The following HIF1A variants were observed in gnomAD, a reference collection of about 807,000 sequenced individuals.
HIF1A encodes hypoxia inducible factor 1 subunit alpha.
In HIF1A, 24 loss-of-function variants were observed where a neutral mutation model predicts 92.7. The observed-to-expected ratio is 0.26, with a 90% CI of 0.19 to 0.36. The LOEUF (loss-of-function observed/expected upper bound fraction) is 0.36. HIF1A is among the 10% of genes least tolerant of loss of function. The probability of loss-of-function intolerance (pLI) is 1.00; values close to 1 mark genes in which losing one functional copy is unlikely to be tolerated. For synonymous variants in HIF1A, 319 were observed against 338.7 expected, an observed-to-expected ratio of 0.94 and a Z score of 0.64; for missense variants, 799 against 998.5, an observed-to-expected ratio of 0.80 and a Z score of 2.69.
At chr14:61,702,119 T>C (rs1465963937) in intron 1 of HIF1A, among the ~76,000 whole-genome samples, 1 of 151,716 alleles carries the variant, frequency 6.6e-6, no homozygotes, top group Non-Finnish European at 1.5e-5. Context: ...ATGCAGGTTT[T>C]TAAAAGGTTT....
At chr14:61,698,444 T>C (rs888394489) in intron 1 of HIF1A, among the ~76,000 whole-genome samples, 37 of 152,338 alleles carry the variant, frequency 2.4e-4, no homozygotes, top group African/African-American at 8.2e-4. Flanking sequence ...TGAGCAGTTA[T>C]TGTAAAGGTT....
In HIF1A at chr14:61,746,974, T is replaced by A. The variant is rs2044800883; in HGVS notation, c.2370T>A (p.Ser790Arg). ...TGCTGGGGCAATCAATGGATGAAAG[T>A]GGATTACCACAGCTGACCAGTTATG... ...CRLLGQSMDE[S>R]GLPQLTSYDC... Residue 790 changes from serine (S) to arginine (R), a missense_variant, in exon 15 of 15, where the codon AGT becomes AGA. Physicochemically the swap from Ser to Arg is moderately radical, Grantham distance 110. Coordinates refer to ENST00000337138, the MANE Select transcript of HIF1A (RefSeq NM_001530.4). 2 of 1,613,294 alleles carry A rather than the reference T, an allele frequency of 1.2e-6. No individual in the cohort carries two copies. Among genetic ancestry groups the A allele is most frequent in the African/African-American group, 1.3e-5 (1 of 74,916 alleles).
chr14:61,716,466 C>G (rs899290714), intron 1 of HIF1A, among the ~76,000 whole-genome samples: 23 of 150,742 alleles, frequency 1.5e-4, no homozygotes, highest in African/African-American at 5.7e-4. Flanking sequence ...TGATAATCTG[C>G]TCACATTTTA....
At position 61,727,187 on chromosome 14, in the gene HIF1A, T is replaced by C. The variant is rs112326554; in HGVS notation, c.571-266T>C. ...GCAAGAAATAACTATCAAACAGCCA[T>C]GATGATGAGATGAATGAAAAAGCAG... On this transcript the variant is annotated intron_variant, in intron 5 of 14. Coordinates refer to ENST00000337138, the MANE Select transcript of HIF1A (RefSeq NM_001530.4). Among the ~76,000 whole-genome samples the C allele has an allele frequency of 5.9e-3, 900 of 152,298 alleles. 13 individuals are homozygous for C. Among genetic ancestry groups the C allele is most frequent in the African/African-American group, 0.02 (838 of 41,542 alleles).
At chr14:61,725,639 T>G (rs1307152102) in intron 4 of HIF1A, among the ~76,000 whole-genome samples, 1 of 152,228 alleles carries the variant, frequency 6.6e-6, no homozygotes, top group African/African-American at 2.4e-5. Flanking sequence ...GGTCTCAAAC[T>G]TCTGTCCTCA....
At chr14:61,702,488 C>T (rs778037701) in intron 1 of HIF1A, among the ~76,000 whole-genome samples, 1 of 87,592 alleles carries the variant, frequency 1.1e-5, no homozygotes, top group Non-Finnish European at 3.3e-5. Flanking sequence ...CTTTAGTTCC[C>T]TGTCTGAGAT....
intron 9 of HIF1A, 57 bp from the exon 10 acceptor site, chr14:61,738,030 T>TTA: frequency 8.1e-7 from 1 of 1,231,974 alleles, no homozygotes; most frequent in Non-Finnish European, 1.1e-6. Context: ...CTGTCTTGGG[T>TTA]AAAAAAAAAA....
chr14:61,745,348 G>T (rs771890349), intron 13 of HIF1A, among the ~76,000 whole-genome samples: 1 of 152,278 alleles, frequency 6.6e-6, no homozygotes, highest in African/African-American at 2.4e-5. Flanking sequence ...GCTTGAACCC[G>T]GGAGGTGGAG....
chr14:61,713,421 G>T (rs2044328879), intron 1 of HIF1A, among the ~76,000 whole-genome samples: 1 of 152,136 alleles, frequency 6.6e-6, no homozygotes. Flanking sequence ...TAGATCTACT[G>T]AATCAGAATT....
intron 3 of HIF1A, 34 bp from the exon 4 acceptor site, chr14:61,721,705 G>T: frequency 6.2e-7 from 1 of 1,609,996 alleles, no homozygotes; most frequent in Non-Finnish European, 8.5e-7. Context: ...ATGATTTTAT[G>T]ATCTAGCCCT....
At chr14:61,710,982 G>A (rs1566562981) in intron 1 of HIF1A, among the ~76,000 whole-genome samples, 1 of 151,748 alleles carries the variant, frequency 6.6e-6, no homozygotes, top group Non-Finnish European at 1.5e-5. Flanking sequence ...GGGAGGCGGA[G>A]GTTGCAGTGA....
At chr14:61,699,365 C>T (rs956547085) in intron 1 of HIF1A, among the ~76,000 whole-genome samples, 5 of 152,078 alleles carry the variant, frequency 3.3e-5, no homozygotes, top group African/African-American at 9.7e-5. Flanking sequence ...AATGGTGTCA[C>T]GGCTCAGGGT....
chr14:61,738,403 C>T, intron 10 of HIF1A, 30 bp downstream of exon 10: 1 of 1,509,758 alleles, frequency 6.6e-7, no homozygotes, highest in Non-Finnish European at 8.9e-7. Context: ...CAGAAAGGGA[C>T]AACTTTCAGA....
intron 8 of HIF1A, among the ~76,000 whole-genome samples, chr14:61,736,061 C>T (rs1183878563): frequency 6.6e-6 from 1 of 151,234 alleles, no homozygotes; most frequent in African/African-American, 2.4e-5. Flanking sequence ...TCTTGGCTCA[C>T]TCCATTTCCC....
At chr14:61,744,645 G>T in intron 12 of HIF1A, 60 bp from the exon 13 acceptor site, 2 of 656,762 alleles carry the variant, frequency 3.0e-6, no homozygotes, top group South Asian at 2.0e-5. Context: ...CTTTAAAAGC[G>T]CTCACTGGAT....
chr14:61,741,007 T>C lies in HIF1A; in HGVS notation c.1912T>C (p.Leu638=). 1 of 1,614,168 alleles carries C rather than the reference T, an allele frequency of 6.2e-7. No individual in the cohort carries two copies. Among genetic ancestry groups the C allele is most frequent in the Admixed American group, 1.7e-5 (1 of 60,024 alleles). The change falls in exon 12 of 15, where the codon TTG becomes CTG. Residue 638 remains leucine (L), a synonymous_variant. Coordinates refer to ENST00000337138, the MANE Select transcript of HIF1A (RefSeq NM_001530.4). ...AGACCGTATGGAAGACATTAAAATATTGATTGCATCTCCATCTCCTACCCA... is the reference window on the plus strand; with the variant it reads ...AGACCGTATGGAAGACATTAAAATACTGATTGCATCTCCATCTCCTACCCA... ...TKDRMEDIKI[L]IASPSPTHIH... is the part of the protein sequence containing the mutation.
At chr14:61,716,716 CAAG>C (rs1395685281) in intron 1 of HIF1A, among the ~76,000 whole-genome samples, 4 of 151,982 alleles carry the variant, frequency 2.6e-5, no homozygotes, top group South Asian at 4.1e-4. Context: ...ACTTTGTACA[CAAG>C]AAGCTTAATA....
chr14:61,736,900 A>G lies in HIF1A; in HGVS notation c.1040A>G (p.Gln347Arg), dbSNP rs760741217. The change falls in exon 9 of 15, where the codon CAG becomes CGG. Residue 347 changes from glutamine to arginine, a missense_variant. Physicochemically the swap from Gln to Arg is conservative, Grantham distance 43. Transcript: ENST00000337138. The stretch of plus-strand genomic sequence containing the variant: ...TCTTGTTTTGACAGTGGTATTATTC[A>G]GCACGACTTGATTTTCTCCCTTCAA... ...CVNYVVSGII[Q>R]HDLIFSLQQT... 4.3e-6 allele frequency: 7 copies of G among 1,612,100 alleles called. No homozygotes were observed. The highest frequency in any genetic ancestry group is 1.3e-5 in the African/African-American group (1 of 74,894).
intron 8 of HIF1A, among the ~76,000 whole-genome samples, chr14:61,735,950 G>C (rs2044631281): frequency 6.6e-6 from 1 of 151,420 alleles, no homozygotes; most frequent in South Asian, 2.1e-4. Flanking sequence ...AAATTGCCTT[G>C]CCATTACTAC....
Sources: gnomAD v4.1 joint callset for allele counts (sites outside exome capture counted in the v4.1 genomes callset) on GRCh38, gnomAD v4.1.1 for gene constraint, MANE v1.5 for transcripts, NCBI Gene and HGNC (gene_info 2026-07-23, HGNC 2026-07-21) for gene names.